Variants in GRM1 observed in about 807,000 individuals in gnomAD.
GRM1 encodes glutamate metabotropic receptor 1, also known as metabotropic glutamate receptor 1.
In GRM1, 33 loss-of-function variants were observed where a neutral mutation model predicts 90.9. The ratio of observed to expected loss-of-function variants is 0.36; its 90% confidence interval spans 0.28 to 0.49. The LOEUF is 0.49. Among genes scored for constraint, GRM1 ranks in the 20% least tolerant of loss-of-function variants. The pLI is 0.99. For missense variants in GRM1, 1,190 were observed against 1,534.3 expected (o/e 0.78, Z 3.75); for synonymous variants, 700 against 613.2 (o/e 1.14, Z -2.09).
chr6:146,267,702 GCTCGTCTCGT>G lies in GRM1; in HGVS notation c.951-36860_951-36851del, dbSNP rs1185232840. Among the ~76,000 whole-genome samples the G allele has an allele frequency of 6.2e-3, 534 of 86,082 alleles. 4 individuals are homozygous for G. The highest frequency in any genetic ancestry group is 0.023 in the Middle Eastern group (4 of 174). 56.5% of individuals were successfully genotyped at this position (86,082 alleles called of 152,430 possible). A position where few individuals can be genotyped will look rare whatever the true frequency, so the allele number is the denominator to read the frequency against. ...GCTGGGCTCGGCTCGGCTCGGCTCGGCTCGTCTCGTCTCGTCTCGTCTCGTCTCGTCTCGT... is the reference window on the plus strand; with the variant it reads ...GCTGGGCTCGGCTCGGCTCGGCTCGGCTCGTCTCGTCTCGTCTCGTCTCGT... On this transcript the variant is annotated intron_variant, in intron 2 of 7. Coordinates refer to ENST00000282753, the MANE Select transcript of GRM1 (RefSeq NM_001278064.2).
At chr6:146,307,455 A>G (rs896323590) in intron 3 of GRM1, among the ~76,000 whole-genome samples, 6 of 152,152 alleles carry the variant, frequency 3.9e-5, no homozygotes, top group African/African-American at 1.4e-4. Context: ...TATATTATCT[A>G]TGATGTATAC....
intron 5 of GRM1, among the ~76,000 whole-genome samples, chr6:146,385,521 G>C (rs1004650914): frequency 6.6e-6 from 1 of 151,914 alleles, no homozygotes; most frequent in Non-Finnish European, 1.5e-5. Context: ...GAAGCTGAGA[G>C]AGGTCATATT....
At chr6:146,433,747 A>G (rs1292466463) in intron 7 of GRM1, 125 bp from the exon 8 acceptor site, 4 of 736,270 alleles carry the variant, frequency 5.4e-6, no homozygotes, top group Non-Finnish European at 9.6e-6. Context: ...GGGGTGCTGG[A>G]GCAAAGGCCT....
chr6:146,268,263 G>A (rs1189598900), intron 2 of GRM1, among the ~76,000 whole-genome samples: 2 of 152,144 alleles, frequency 1.3e-5, no homozygotes, highest in Non-Finnish European at 2.9e-5. Context: ...CCGACCTACA[G>A]TAACTTTCCA....
At chr6:146,294,833 A>G (rs1235375706) in intron 2 of GRM1, among the ~76,000 whole-genome samples, 1 of 152,190 alleles carries the variant, frequency 6.6e-6, no homozygotes, top group Admixed American at 6.5e-5. Flanking sequence ...ATCTTACATT[A>G]CTATAACAAC....
intron 2 of GRM1, among the ~76,000 whole-genome samples, chr6:146,295,555 A>G (rs1783147060): frequency 6.6e-6 from 1 of 152,020 alleles, no homozygotes; most frequent in South Asian, 2.1e-4. Context: ...TAACTATTCC[A>G]TATCACTATG....
chr6:146,084,159 T>C (rs1776462495), intron 1 of GRM1, among the ~76,000 whole-genome samples: 1 of 152,158 alleles, frequency 6.6e-6, no homozygotes, highest in Non-Finnish European at 1.5e-5. Context: ...AGTCTATCTA[T>C]TTTGTCAATT....
chr6:146,245,337 C>T (rs951660809), intron 2 of GRM1, among the ~76,000 whole-genome samples: 1 of 152,140 alleles, frequency 6.6e-6, no homozygotes, highest in Non-Finnish European at 1.5e-5. Context: ...CAAGTACAAA[C>T]AGTCTCTGGG....
At position 146,029,934 on chromosome 6, in the gene GRM1, G is replaced by T. The variant is rs767056352; in HGVS notation, c.417G>T (p.Arg139=). The change falls in exon 1 of 8, where the codon CGG becomes CGT. Residue 139 remains arginine, a synonymous_variant. Coordinates refer to ENST00000282753, the MANE Select transcript of GRM1 (RefSeq NM_001278064.2). The part of the protein sequence containing the change: ...SIRDEKDGIN[R]CLPDGQSLPP... ...GAGATGAGAAGGATGGGATCAACCGGTGTCTGCCTGACGGCCAGTCCCTCC... is the reference window on the plus strand; with the variant it reads ...GAGATGAGAAGGATGGGATCAACCGTTGTCTGCCTGACGGCCAGTCCCTCC... 1 of 1,614,138 alleles carries T rather than the reference G, an allele frequency of 6.2e-7. No individual in the cohort carries two copies. The highest frequency in any genetic ancestry group is 1.1e-5 in the South Asian group (1 of 91,076).
intron 1 of GRM1, among the ~76,000 whole-genome samples, chr6:146,137,104 T>C (rs1164120199): frequency 2.6e-5 from 4 of 152,052 alleles, no homozygotes; most frequent in Non-Finnish European, 5.9e-5. Flanking sequence ...CCACCCGCCT[T>C]GGCCTCCCAA....
chr6:146,310,960 G>T (rs1408830762), intron 3 of GRM1, among the ~76,000 whole-genome samples: 1 of 152,122 alleles, frequency 6.6e-6, no homozygotes, highest in African/African-American at 2.4e-5. Flanking sequence ...GCCCTGGGAT[G>T]GTTTGTTATG....
upstream of GRM1, among the ~76,000 whole-genome samples, chr6:146,029,033 G>A (rs1345971624): frequency 1.3e-5 from 2 of 152,218 alleles, no homozygotes; most frequent in East Asian, 3.9e-4. Flanking sequence ...AGGACACCCC[G>A]CCTTCCTCAG....
At chr6:146,150,958 A>ACACG (rs1777311815) in intron 1 of GRM1, among the ~76,000 whole-genome samples, 1 of 151,918 alleles carries the variant, frequency 6.6e-6, no homozygotes, top group Non-Finnish European at 1.5e-5. Flanking sequence ...ACACACACAC[A>ACACG]CACACACACT....
chr6:146,432,530 A>C (rs1422151813), intron 7 of GRM1, among the ~76,000 whole-genome samples: 20 of 152,212 alleles, frequency 1.3e-4, no homozygotes, highest in Admixed American at 1.3e-3. Context: ...CCAAACAAAA[A>C]CTAGAATATG....
Position 146,393,288 on chromosome 6 carries a change from T to C in GRM1, c.1730-5481T>C, listed in dbSNP as rs190736563. 3.8e-3 allele frequency among the ~76,000 whole-genome samples: 572 copies of C among 152,318 alleles called. 7 individuals carry two copies. The highest frequency in any genetic ancestry group is 0.013 in the African/African-American group (552 of 41,580). Reference sequence around the variant, plus strand: ...TTTGCATTTCTCTAATGACCAGTGATGATGAGCTTTTTTTCATGTTTATTG... The same window carrying C: ...TTTGCATTTCTCTAATGACCAGTGACGATGAGCTTTTTTTCATGTTTATTG... On this transcript the variant is annotated intron_variant, in intron 6 of 7. Transcript: ENST00000282753.
At chr6:146,375,696 T>C (rs1456735307) in intron 5 of GRM1, among the ~76,000 whole-genome samples, 1 of 152,044 alleles carries the variant, frequency 6.6e-6, no homozygotes, top group Admixed American at 6.6e-5. Flanking sequence ...TTATATTGTG[T>C]TATATGAGAC....
intron 2 of GRM1, among the ~76,000 whole-genome samples, chr6:146,194,623 A>G (rs1218168910): frequency 6.6e-6 from 1 of 152,120 alleles, no homozygotes; most frequent in African/African-American, 2.4e-5. Flanking sequence ...ACATTCCTTA[A>G]TCCCCATTTG....
At chr6:146,181,264 A>G (rs933037327) in intron 2 of GRM1, among the ~76,000 whole-genome samples, 7 of 152,122 alleles carry the variant, frequency 4.6e-5, no homozygotes, top group Non-Finnish European at 7.4e-5. Flanking sequence ...AAAAACCACA[A>G]CAAAAATCCA....
At chr6:146,396,051 A>G (rs1347816228) in intron 6 of GRM1, among the ~76,000 whole-genome samples, 1 of 138,612 alleles carries the variant, frequency 7.2e-6, no homozygotes, top group Non-Finnish European at 1.6e-5. Context: ...TTAAATATCT[A>G]TTTTCCTACC....
Sources: allele counts gnomAD v4.1 joint callset (sites outside exome capture counted in the v4.1 genomes callset), GRCh38; gene constraint gnomAD v4.1.1; transcripts MANE v1.5; gene names NCBI Gene and HGNC (gene_info 2026-07-23, HGNC 2026-07-21).